AGTPBP1: variants seen among roughly 807,000 people sequenced by gnomAD.
AGTPBP1 encodes cytosolic carboxypeptidase 1.
AGTPBP1 carries 70 observed loss-of-function variants against 143.9 expected under a neutral mutation model. That is an observed-to-expected ratio of 0.49 (90% CI 0.40 to 0.59). The LOEUF (loss-of-function observed/expected upper bound fraction) is 0.59, where lower values mean the gene tolerates loss of function less well. AGTPBP1 is among the 20% of genes least tolerant of loss of function. The pLI is 0.00. For missense variants in AGTPBP1, 1,229 were observed against 1,464.5 expected (o/e 0.84, Z 2.62); for synonymous variants, 463 against 500.2 (o/e 0.93, Z 0.99).
chr9:85,792,109 C>T, the AGTPBP1 span: 9 of 152,142 alleles, frequency 5.9e-5, no homozygotes, highest in Non-Finnish European at 1.3e-4. Flanking sequence ...TAAAATGTCC[C>T]TGATTTTGTC....
chr9:85,782,723 G>A, the AGTPBP1 span, among the ~76,000 whole-genome samples: 3 of 152,000 alleles, frequency 2.0e-5, no homozygotes, highest in African/African-American at 7.3e-5. Context: ...CTGACTGCTG[G>A]TTCAGTATTC....
At chr9:85,769,875 A>G in the AGTPBP1 span, among the ~76,000 whole-genome samples, 3 of 152,222 alleles carry the variant, frequency 2.0e-5, no homozygotes, top group African/African-American at 7.2e-5. Context: ...TTTAGGGGTC[A>G]TGGAGGAGAT....
At chr9:85,577,212 A>G (rs1420593208) in intron 24 of AGTPBP1, among the ~76,000 whole-genome samples, 1 of 152,236 alleles carries the variant, frequency 6.6e-6, no homozygotes, top group East Asian at 1.9e-4. Context: ...CATCCAAGTC[A>G]GATGTCCCGA....
At chr9:85,626,641 T>C (rs770472538) in intron 14 of AGTPBP1, among the ~76,000 whole-genome samples, 68 of 152,188 alleles carry the variant, frequency 4.5e-4, no homozygotes, top group East Asian at 9.7e-4. Flanking sequence ...ATCACAAATA[T>C]AGAACCATAA....
rs150485053 is a variant in AGTPBP1 at position 85,685,310 on chromosome 9, G to C, written c.158-3975C>G. ...ATAACTATGAAGAAAACTATAGCCA[G>C]TCAAACTTGAAAAGCAAAATCCAAA... On this transcript the variant is annotated intron_variant, in intron 3 of 25. Transcript: ENST00000357081. 2.1e-3 allele frequency among the ~76,000 whole-genome samples: 314 copies of C among 151,874 alleles called. 3 individuals are homozygous for C. Among genetic ancestry groups the C allele is most frequent in the African/African-American group, 7.0e-3 (291 of 41,466 alleles).
chr9:85,565,173 T>C (rs1296075427), intron 25 of AGTPBP1, among the ~76,000 whole-genome samples: 1 of 152,258 alleles, frequency 6.6e-6, no homozygotes, highest in African/African-American at 2.4e-5. Context: ...GAGTTACTAC[T>C]TATGTTGAAA....
the AGTPBP1 span, among the ~76,000 whole-genome samples, chr9:85,772,061 C>T: frequency 8.7e-5 from 13 of 149,802 alleles, no homozygotes; most frequent in East Asian, 1.8e-3. Context: ...CTGCAACCTC[C>T]GCCCCCTGGG....
At chr9:85,550,118 G>T (rs1825948239) in intron 25 of AGTPBP1, among the ~76,000 whole-genome samples, 1 of 152,132 alleles carries the variant, frequency 6.6e-6, no homozygotes, top group African/African-American at 2.4e-5. Context: ...CAGGCTGAGT[G>T]TGCAAAGAGG....
At chr9:85,797,171 T>A in the AGTPBP1 span, among the ~76,000 whole-genome samples, 2 of 151,858 alleles carry the variant, frequency 1.3e-5, no homozygotes, top group Non-Finnish European at 2.9e-5. Flanking sequence ...AAGGCTGGAG[T>A]GCAGCGACGC....
intron 11 of AGTPBP1, among the ~76,000 whole-genome samples, chr9:85,651,210 G>A (rs1245321494): frequency 2.6e-5 from 4 of 152,080 alleles, no homozygotes; most frequent in African/African-American, 9.7e-5. Context: ...CAGCAATGAT[G>A]GACCCCTATA....
intron 14 of AGTPBP1, among the ~76,000 whole-genome samples, chr9:85,630,373 GACTTACTT>G (rs199933310): frequency 6.8e-5 from 10 of 146,016 alleles, no homozygotes; most frequent in African/African-American, 2.1e-4. Flanking sequence ...TTACAGGATT[GACTTACTT>G]ACTTACTTAC....
chr9:85,682,752 A>T (rs1835267176), intron 3 of AGTPBP1, among the ~76,000 whole-genome samples: 1 of 152,220 alleles, frequency 6.6e-6, no homozygotes, highest in Admixed American at 6.5e-5. Context: ...AAAGGAAAAT[A>T]TCAACACAGA....
intron 17 of AGTPBP1, among the ~76,000 whole-genome samples, chr9:85,615,135 T>TC (rs1463049341): frequency 1.3e-5 from 2 of 152,096 alleles, no homozygotes; most frequent in Admixed American, 1.3e-4. Flanking sequence ...TTAAGTTAAA[T>TC]CCCAATTCAC....
chr9:85,714,324 T>C (rs1837563898), intron 1 of AGTPBP1, among the ~76,000 whole-genome samples: 1 of 152,224 alleles, frequency 6.6e-6, no homozygotes, highest in African/African-American at 2.4e-5. Context: ...TTTTGTGCCT[T>C]ATCCTTTAAT....
At chr9:85,745,275 C>T (rs754266322), upstream of AGTPBP1, among the ~76,000 whole-genome samples, 3 of 152,328 alleles carry the variant, frequency 2.0e-5, no homozygotes, top group Non-Finnish European at 2.9e-5. Flanking sequence ...AAAAAGTCTA[C>T]AGCAATTTCC....
the AGTPBP1 span, among the ~76,000 whole-genome samples, chr9:85,790,588 T>C: frequency 6.6e-6 from 1 of 152,348 alleles, no homozygotes; most frequent in East Asian, 1.9e-4. Flanking sequence ...GATGTTATAA[T>C]GATGGCTTTT....
At chr9:85,745,385 C>T (rs1824568621), upstream of AGTPBP1, among the ~76,000 whole-genome samples, 1 of 152,226 alleles carries the variant, frequency 6.6e-6, no homozygotes, top group South Asian at 2.1e-4. Context: ...AACTATTCAA[C>T]AATCAACCAT....
rs1303203692 is a variant in AGTPBP1, at chr9:85,547,388, A to G, written c.3504-102T>C. The G allele has an allele frequency of 3.0e-6, 3 of 989,338 alleles. No homozygotes were observed. The East Asian group carries it at 9.0e-5, about 30-fold the overall frequency. 61.3% of individuals were successfully genotyped at this position (989,338 alleles called of 1,614,324 possible). A position where few individuals can be genotyped will look rare whatever the true frequency, so the allele number is the denominator to read the frequency against. ...GGACTAACTTTGATTCCAATATAAT[A>G]TAAGCTGCATTAACTTTAAAAATCT... On this transcript the variant is annotated intron_variant, in intron 25 of 25. Coordinates refer to ENST00000357081, the MANE Select transcript of AGTPBP1 (RefSeq NM_001330701.2).
chr9:85,717,555 C>T (rs1412444990), intron 1 of AGTPBP1, among the ~76,000 whole-genome samples: 2 of 151,998 alleles, frequency 1.3e-5, no homozygotes, highest in East Asian at 1.9e-4. Context: ...TCTGAATGTT[C>T]GTGTGCCTCC....
Sources: gnomAD v4.1 joint callset for allele counts (sites outside exome capture counted in the v4.1 genomes callset) on GRCh38, gnomAD v4.1.1 for gene constraint, MANE v1.5 for transcripts, NCBI Gene and HGNC (gene_info 2026-07-23, HGNC 2026-07-21) for gene names.